The following VPS13B variants were observed in gnomAD, a reference collection of about 807,000 sequenced individuals.
The protein encoded by VPS13B is vacuolar protein sorting 13 homolog B.
Under a neutral mutation model 426.4 loss-of-function variants are expected in VPS13B, and 285 were observed. The observed-to-expected ratio is 0.67, with a 90% CI of 0.61 to 0.74. The LOEUF (loss-of-function observed/expected upper bound fraction) is 0.74, where lower values mean the gene tolerates loss of function less well. VPS13B is among the 30% of genes least tolerant of loss of function. The pLI is 0.00. For missense variants in VPS13B, 4,537 were observed against 4,782.6 expected (o/e 0.95, Z 1.51); for synonymous variants, 1,676 against 1,676.4 (o/e 1.00, Z 0.01).
At chr8:99,141,049 T>C (rs973872128) in intron 12 of VPS13B, among the ~76,000 whole-genome samples, 1 of 152,088 alleles carries the variant, frequency 6.6e-6, no homozygotes, top group Admixed American at 6.6e-5. Context: ...AACAGGAAGA[T>C]TTTAGAGATA....
intron 17 of VPS13B, among the ~76,000 whole-genome samples, chr8:99,272,578 T>C (rs895448472): frequency 2.0e-5 from 3 of 152,178 alleles, no homozygotes; most frequent in Admixed American, 6.5e-5. Context: ...ACTGTCAGTA[T>C]AATATTCTTA....
At chr8:99,717,446 T>C (rs1588651506) in intron 37 of VPS13B, 73 bp downstream of exon 37, 1 of 1,336,574 alleles carries the variant, frequency 7.5e-7, no homozygotes, top group East Asian at 2.4e-5. Flanking sequence ...ACTGTTTCAC[T>C]AAATTTTAAA....
chr8:99,060,492 C>T (rs563975553), intron 3 of VPS13B, among the ~76,000 whole-genome samples: 1 of 151,846 alleles, frequency 6.6e-6, no homozygotes, highest in African/African-American at 2.4e-5. Context: ...ACCTGTAATC[C>T]CAGCCACTCA....
At chr8:99,854,352 T>C in intron 56 of VPS13B, 96 bp downstream of exon 56, 1 of 1,383,972 alleles carries the variant, frequency 7.2e-7, no homozygotes, top group Non-Finnish European at 9.9e-7. Context: ...AAAGAAGCAA[T>C]TGGCAAGAGG....
At chr8:99,855,013 G>C (rs1191874248) in intron 56 of VPS13B, among the ~76,000 whole-genome samples, 1 of 152,156 alleles carries the variant, frequency 6.6e-6, no homozygotes, top group Admixed American at 6.5e-5. Context: ...TTTCAGTCTG[G>C]CTGGAAAAGT....
chr8:99,573,512 A>G (rs1298180492), intron 31 of VPS13B, among the ~76,000 whole-genome samples: 1 of 152,162 alleles, frequency 6.6e-6, no homozygotes, highest in African/African-American at 2.4e-5. Flanking sequence ...TCAGCTTTCT[A>G]CATATGGCTA....
intron 16 of VPS13B, among the ~76,000 whole-genome samples, chr8:99,178,486 A>G (rs890840643): frequency 2.0e-5 from 3 of 152,202 alleles, no homozygotes; most frequent in East Asian, 1.9e-4. Context: ...CTCACAACCA[A>G]CCTTTGAAAT....
At chr8:99,359,145 G>A (rs1812354370) in intron 19 of VPS13B, among the ~76,000 whole-genome samples, 1 of 152,010 alleles carries the variant, frequency 6.6e-6, no homozygotes, top group Non-Finnish European at 1.5e-5. Flanking sequence ...CTTGTTTGCT[G>A]TCATAAAATG....
chr8:99,804,816 AC>A (rs145633174), intron 43 of VPS13B, among the ~76,000 whole-genome samples: 4,200 of 152,078 alleles, frequency 0.028, 81 homozygotes, highest in Non-Finnish European at 0.043. Context: ...AAATAACAAG[AC>A]CTCATCTTTA....
rs1226265123 is a variant in VPS13B, at chr8:99,817,529, C to T, written c.8098-11C>T. On this transcript the variant is annotated splice_polypyrimidine_tract_variant and intron_variant, in intron 44 of 61. Coordinates refer to ENST00000357162, the MANE Select transcript of VPS13B (RefSeq NM_152564.5). Reference sequence around the variant, plus strand: ...AATTGATGAAGCCTTATATACTTAACTGTCTTTTAGATTATCATCTGTGGA... The same window carrying T: ...AATTGATGAAGCCTTATATACTTAATTGTCTTTTAGATTATCATCTGTGGA... 6.2e-7 allele frequency: 1 copy of T among 1,613,746 alleles called. No individual in the cohort carries two copies. Among genetic ancestry groups the T allele is most frequent in the Non-Finnish European group, 8.5e-7 (1 of 1,179,880 alleles).
chr8:99,394,495 A>G (rs936020718), intron 21 of VPS13B, among the ~76,000 whole-genome samples: 1 of 152,180 alleles, frequency 6.6e-6, no homozygotes, highest in African/African-American at 2.4e-5. Flanking sequence ...ATAGTCATGT[A>G]GGGCAGACTG....
At chr8:99,733,671 A>G (rs959414428) in intron 39 of VPS13B, among the ~76,000 whole-genome samples, 1 of 152,156 alleles carries the variant, frequency 6.6e-6, no homozygotes, top group African/African-American at 2.4e-5. Flanking sequence ...TGTCCTTTCC[A>G]TAAAGATATT....
intron 43 of VPS13B, among the ~76,000 whole-genome samples, chr8:99,803,171 G>A (rs549672932): frequency 6.2e-4 from 95 of 152,286 alleles, no homozygotes; most frequent in African/African-American, 2.1e-3. Flanking sequence ...GCATCAATAG[G>A]TATTACAAGT....
chr8:99,574,276 A>G (rs1181181926), intron 31 of VPS13B, among the ~76,000 whole-genome samples: 2 of 152,128 alleles, frequency 1.3e-5, no homozygotes, highest in African/African-American at 4.8e-5. Context: ...TCTTTTCCTA[A>G]TTGAATATCC....
chr8:99,396,142 AG>A (rs1563706800), intron 21 of VPS13B, among the ~76,000 whole-genome samples: 2 of 152,172 alleles, frequency 1.3e-5, no homozygotes, highest in Non-Finnish European at 2.9e-5. Context: ...GCTCACTGAA[AG>A]TTCACATTTG....
intron 23 of VPS13B, among the ~76,000 whole-genome samples, chr8:99,449,097 A>G (rs1818065964): frequency 6.6e-6 from 1 of 152,210 alleles, no homozygotes; most frequent in Admixed American, 6.5e-5. Context: ...ATTATAGCTT[A>G]GAAGAAATGA....
intron 17 of VPS13B, among the ~76,000 whole-genome samples, chr8:99,259,323 G>A (rs1817923049): frequency 1.3e-5 from 2 of 152,038 alleles, no homozygotes; most frequent in Non-Finnish European, 2.9e-5. Flanking sequence ...GAAACATATA[G>A]CAAGACTTCT....
intron 16 of VPS13B, among the ~76,000 whole-genome samples, chr8:99,187,228 G>C (rs973351367): frequency 1.3e-5 from 2 of 151,906 alleles, no homozygotes; most frequent in African/African-American, 4.8e-5. Flanking sequence ...CAGGGGCGGG[G>C]GGCGGTTCAG....
intron 30 of VPS13B, among the ~76,000 whole-genome samples, chr8:99,521,282 C>T (rs1274934453): frequency 6.6e-6 from 1 of 152,110 alleles, no homozygotes; most frequent in Non-Finnish European, 1.5e-5. Context: ...TAGCAGATGT[C>T]AAATTTGACC....
Sources: allele counts gnomAD v4.1 joint callset (sites outside exome capture counted in the v4.1 genomes callset), GRCh38; gene constraint gnomAD v4.1.1; transcripts MANE v1.5; gene names NCBI Gene and HGNC (gene_info 2026-07-23, HGNC 2026-07-21).